The following TTLL6 variants were observed in gnomAD, a reference collection of about 807,000 sequenced individuals.
TTLL6 encodes the protein tubulin tyrosine ligase like 6.
In TTLL6, 75 loss-of-function variants were observed where a neutral mutation model predicts 96.4. The ratio of observed to expected loss-of-function variants is 0.78; its 90% CI spans 0.65 to 0.94. The LOEUF (loss-of-function observed/expected upper bound fraction) is 0.94. Ranked by LOEUF, TTLL6 falls within the 40% of genes least tolerant of loss-of-function variation. The pLI, the probability that TTLL6 is intolerant of heterozygous loss-of-function variation, is 0.00. For missense variants in TTLL6, 1,030 were observed against 1,093.0 expected, an observed-to-expected ratio of 0.94 and a Z score of 0.81; for synonymous variants, 411 against 419.4, an observed-to-expected ratio of 0.98 and a Z score of 0.24.
At chr17:48,812,760 G>A (rs190059537) in intron 1 of TTLL6, among the ~76,000 whole-genome samples, 1 of 152,304 alleles carries the variant, frequency 6.6e-6, no homozygotes, top group African/African-American at 2.4e-5. Flanking sequence ...TTGAATTAAT[G>A]GGCTGGAAGA....
chr17:48,775,552 A>ATTC (rs1197362338), intron 13 of TTLL6, among the ~76,000 whole-genome samples: 1 of 149,464 alleles, frequency 6.7e-6, no homozygotes, highest in Non-Finnish European at 1.5e-5. Context: ...TATTATTATT[A>ATTC]TTATTTGAGA....
intron 1 of TTLL6, among the ~76,000 whole-genome samples, chr17:48,814,233 C>T (rs1045993664): frequency 4.8e-5 from 7 of 146,760 alleles, no homozygotes; most frequent in African/African-American, 1.5e-4. Context: ...GCAGGAGAAT[C>T]GCTTGAACCT....
At position 48,783,318 on chromosome 17, in the gene TTLL6, G is replaced by A. The variant is rs145862891; in HGVS notation, c.2040+1605C>T. Among the ~76,000 whole-genome samples, 68 of 152,214 alleles carry A rather than the reference G, an allele frequency of 4.5e-4. No individual in the cohort carries two copies. In the East Asian group the frequency reaches 0.012, roughly 27 times the overall value. On this transcript the variant is annotated intron_variant, in intron 13 of 15. Transcript: ENST00000393382. ...CAGCCCTTGGTGGGCTTCAGTGGGAGGAACACAAAGAGATCTGTGCTAGGG... is the reference window on the plus strand; with the variant it reads ...CAGCCCTTGGTGGGCTTCAGTGGGAAGAACACAAAGAGATCTGTGCTAGGG...
In TTLL6 at chr17:48,789,942, A is replaced by T. The variant is rs1332402068; in HGVS notation, c.1389T>A (p.Ser463=). ...GAGTGCGAATGTACCTCATCTCCCG[A>T]GAACAACACTGCTGCAGGAACTGCC... ...QRGQFLQQCC[S]REMRIEEAKG... is the part of the protein sequence containing the mutation. Residue 463 remains serine (S), a synonymous_variant, in exon 10 of 16, where the codon TCT becomes TCA. Transcript: ENST00000393382. 3.1e-6 allele frequency: 5 copies of T among 1,614,132 alleles called. No homozygotes were observed. The highest frequency in any genetic ancestry group is 4.2e-6 in the Non-Finnish European group (5 of 1,180,008).
At chr17:48,795,694 G>A (rs993741030) in intron 8 of TTLL6, among the ~76,000 whole-genome samples, 1 of 152,162 alleles carries the variant, frequency 6.6e-6, no homozygotes. Flanking sequence ...TGACTGCCTG[G>A]CAAGTCCTTC....
intron 1 of TTLL6, among the ~76,000 whole-genome samples, chr17:48,810,892 A>G (rs937620380): frequency 6.9e-6 from 1 of 144,940 alleles, no homozygotes; most frequent in African/African-American, 2.5e-5. Flanking sequence ...GCCAACAACT[A>G]GAAAATGCAG....
rs553363753 is a variant in TTLL6 at position 48,803,507 on chromosome 17, A to C, written c.361+384T>G. Among the ~76,000 whole-genome samples the C allele has an allele frequency of 2.7e-3, 410 of 151,678 alleles. 3 individuals are homozygous for C. Among genetic ancestry groups the C allele is most frequent in the African/African-American group, 8.9e-3 (370 of 41,352 alleles). On this transcript the variant is annotated intron_variant, in intron 3 of 15. Coordinates refer to ENST00000393382, the MANE Select transcript of TTLL6 (RefSeq NM_001130918.3). ...TCAAAAAAAAAAACAAAAAAAAAAAACAGCAACAGCAACACTGTGTTCTAA... is the reference window on the plus strand; with the variant it reads ...TCAAAAAAAAAAACAAAAAAAAAAACCAGCAACAGCAACACTGTGTTCTAA...
chr17:48,779,844 C>G (rs1242776714), intron 13 of TTLL6, among the ~76,000 whole-genome samples: 5 of 151,978 alleles, frequency 3.3e-5, no homozygotes, highest in Admixed American at 2.0e-4. Flanking sequence ...ACGTAAAATT[C>G]TAGAACAGGC....
At chr17:48,781,691 A>AT (rs1460930543) in intron 13 of TTLL6, among the ~76,000 whole-genome samples, 2 of 152,210 alleles carry the variant, frequency 1.3e-5, no homozygotes, top group Admixed American at 1.3e-4. Context: ...TATGCTGGAT[A>AT]TTAAGCCTGC....
intron 3 of TTLL6, among the ~76,000 whole-genome samples, chr17:48,802,875 A>T (rs943638167): frequency 1.3e-5 from 2 of 151,882 alleles, no homozygotes; most frequent in Non-Finnish European, 1.5e-5. Context: ...CATCTCAAAA[A>T]AAATAAATAA....
chr17:48,763,600 C>G (rs2038532286), intron 15 of TTLL6, among the ~76,000 whole-genome samples: 1 of 152,034 alleles, frequency 6.6e-6, no homozygotes, highest in South Asian at 2.1e-4. Context: ...AATTTGAGAC[C>G]AGCCTCGTCA....
At chr17:48,778,264 G>A (rs1252856872) in intron 13 of TTLL6, among the ~76,000 whole-genome samples, 2 of 146,558 alleles carry the variant, frequency 1.4e-5, no homozygotes, top group East Asian at 2.0e-4. Flanking sequence ...CCTACAGAGC[G>A]AGACTCCATC....
intron 13 of TTLL6, among the ~76,000 whole-genome samples, chr17:48,775,487 C>A (rs2038851129): frequency 6.6e-6 from 1 of 150,528 alleles, no homozygotes; most frequent in African/African-American, 2.4e-5. Flanking sequence ...TCACTTGATG[C>A]CAAAAAAGCA....
rs1266563137 is a variant in TTLL6, at chr17:48,817,122, TCCG to T, written c.-53_-51del. 2 of 1,437,472 alleles carry T rather than the reference TCCG, an allele frequency of 1.4e-6. No individual in the cohort carries two copies. Among genetic ancestry groups the T allele is most frequent in the Admixed American group, 4.3e-5 (2 of 46,342 alleles). 89.0% of individuals were successfully genotyped at this position (1,437,472 alleles called of 1,614,324 possible). ...AACCCGCGCTCGCCCTAACTTTGGG[TCCG>T]CCCGGCCCTCATATTTGCATACGGG... On this transcript the variant is annotated 5_prime_UTR_variant, in exon 1 of 16. Transcript: ENST00000393382.
chr17:48,808,173 A>G (rs755530134), intron 1 of TTLL6, among the ~76,000 whole-genome samples: 4 of 152,194 alleles, frequency 2.6e-5, no homozygotes, highest in Non-Finnish European at 5.9e-5. Flanking sequence ...TATTCCATTG[A>G]AAGAATGCAC....
chr17:48,802,518 AGTG>A (rs1258348899), intron 3 of TTLL6, among the ~76,000 whole-genome samples: 1 of 152,216 alleles, frequency 6.6e-6, no homozygotes, highest in Non-Finnish European at 1.5e-5. Flanking sequence ...GAATGGGAGA[AGTG>A]CCTGCAGTAA....
In TTLL6 at chr17:48,777,537, C is replaced by G. The variant is rs369139540; in HGVS notation, c.2040+7386G>C. 5.6e-4 allele frequency among the ~76,000 whole-genome samples: 86 copies of G among 152,224 alleles called. 2 individuals are homozygous for G. In the East Asian group the frequency reaches 0.014, roughly 24 times the overall value. On this transcript the variant is annotated intron_variant, in intron 13 of 15. Coordinates refer to ENST00000393382, the MANE Select transcript of TTLL6 (RefSeq NM_001130918.3). ...TCTGAGGTCAGGAGTTCGAGACCAA[C>G]CTGGCCAACCTGGTGAAACCCTGTC...
At position 48,777,045 on chromosome 17, in the gene TTLL6, CA is replaced by C. The variant is rs1354637102; in HGVS notation, c.2041-6949del. ...ACACACACACACACACACACACACACACACCCCTAAAAAATCAAAGGAACAG... is the reference window on the plus strand; with the variant it reads ...ACACACACACACACACACACACACACCACCCCTAAAAAATCAAAGGAACAG... On this transcript the variant is annotated intron_variant, in intron 13 of 15. Transcript: ENST00000393382. 2.2e-4 allele frequency among the ~76,000 whole-genome samples: 33 copies of C among 151,840 alleles called. No individual in the cohort carries two copies. In the East Asian group the frequency reaches 4.1e-3, roughly 19 times the overall value.
chr17:48,789,979 T>G lies in TTLL6; in HGVS notation c.1352A>C (p.Glu451Ala). The change falls in exon 10 of 16, where the codon GAG becomes GCG. Residue 451 changes from glutamate (E) to alanine (A), a missense_variant. Glu to Ala is a moderately radical substitution (Grantham distance 107). Coordinates refer to ENST00000393382, the MANE Select transcript of TTLL6 (RefSeq NM_001130918.3). The stretch of plus-strand genomic sequence containing the variant: ...CTGCAGGAACTGCCCCCGTTGTCTC[T>G]CCTCCTCCAAGACTTTCTTCTTGTC... ...SCDKKKVLEE[E>A]RQRGQFLQQC... 6.2e-7 allele frequency: 1 copy of G among 1,614,196 alleles called. No individual in the cohort carries two copies. Among genetic ancestry groups the G allele is most frequent in the South Asian group, 1.1e-5 (1 of 91,082 alleles).
Sources: allele counts gnomAD v4.1 joint callset (sites outside exome capture counted in the v4.1 genomes callset), GRCh38; gene constraint gnomAD v4.1.1; transcripts MANE v1.5; gene names NCBI Gene and HGNC (gene_info 2026-07-23, HGNC 2026-07-21).